GRB2: variants seen among roughly 807,000 people sequenced by gnomAD.
The protein encoded by GRB2 is growth factor receptor-bound protein 2.
A neutral mutation model predicts 27.4 loss-of-function variants in GRB2; 2 were observed. That is an observed-to-expected ratio of 0.07 (90% CI 0.03 to 0.23). The LOEUF (loss-of-function observed/expected upper bound fraction) is 0.23, where lower values mean the gene tolerates loss of function less well. Ranked by LOEUF, GRB2 falls within the 10% of genes least tolerant of loss-of-function variation. The pLI, the probability that GRB2 is intolerant of heterozygous loss-of-function variation, is 1.00. For missense variants in GRB2, 102 were observed against 282.4 expected (o/e 0.36, Z 4.58); for synonymous variants, 94 against 99.6 (o/e 0.94, Z 0.33).
chr17:75,344,420 CTTGCTT>C (rs2078641625), intron 2 of GRB2: 1 of 137,036 alleles, frequency 7.3e-6, no homozygotes, highest in Non-Finnish European at 1.5e-5. Flanking sequence ...CAGACAGAGT[CTTGCTT>C]TTGTTGCCCA....
chr17:75,396,659 A>G (rs962098460), intron 1 of GRB2, among the ~76,000 whole-genome samples: 1 of 152,142 alleles, frequency 6.6e-6, no homozygotes, highest in East Asian at 1.9e-4. Context: ...AAGTGCTAGG[A>G]ATACAGGGGA....
chr17:75,356,777 C>T (rs1463378628), intron 2 of GRB2, among the ~76,000 whole-genome samples: 1 of 152,180 alleles, frequency 6.6e-6, no homozygotes, highest in Non-Finnish European at 1.5e-5. Flanking sequence ...CAGAAGTGAT[C>T]ATTTCCTTCA....
intron 2 of GRB2, among the ~76,000 whole-genome samples, chr17:75,367,329 C>T (rs1357087871): frequency 6.6e-6 from 1 of 152,084 alleles, no homozygotes; most frequent in Non-Finnish European, 1.5e-5. Flanking sequence ...CACCACCACA[C>T]CCAGCTAATT....
chr17:75,392,734 C>T, intron 2 of GRB2, among the ~76,000 whole-genome samples: 1 of 152,186 alleles, frequency 6.6e-6, no homozygotes, highest in East Asian at 1.9e-4. Flanking sequence ...TAACACTCAT[C>T]CTCGTTAAAA....
intron 2 of GRB2, among the ~76,000 whole-genome samples, chr17:75,390,010 C>T (rs1484008076): frequency 6.6e-6 from 1 of 152,162 alleles, no homozygotes; most frequent in Non-Finnish European, 1.5e-5. Flanking sequence ...TCTCTCCCAA[C>T]TCTCAAAGCA....
intron 2 of GRB2, among the ~76,000 whole-genome samples, chr17:75,382,626 C>T (rs967608985): frequency 6.6e-6 from 1 of 152,156 alleles, no homozygotes; most frequent in Non-Finnish European, 1.5e-5. Context: ...AGAACTACTG[C>T]TAGAAACCAG....
intron 2 of GRB2, among the ~76,000 whole-genome samples, chr17:75,349,902 T>TTAG (rs2078678959): frequency 6.6e-6 from 1 of 152,014 alleles, no homozygotes; most frequent in African/African-American, 2.4e-5. Flanking sequence ...AAGTTAATAC[T>TTAG]TAGTGATAGG....
intron 1 of GRB2, chr17:75,394,100 T>G (rs751940468): frequency 2.5e-5 from 4 of 161,954 alleles, no homozygotes; most frequent in Non-Finnish European, 5.4e-5. Context: ...CACAGGCTCT[T>G]CTCCAGCACC....
At chr17:75,367,243 T>C (rs1341559669) in intron 2 of GRB2, among the ~76,000 whole-genome samples, 1 of 152,192 alleles carries the variant, frequency 6.6e-6, no homozygotes, top group Non-Finnish European at 1.5e-5. Flanking sequence ...TGATTATGGC[T>C]CACTGCAGCC....
chr17:75,332,298 G>A (rs531872382), intron 3 of GRB2, among the ~76,000 whole-genome samples: 2 of 152,228 alleles, frequency 1.3e-5, no homozygotes, highest in East Asian at 1.9e-4. Context: ...GCCAAGCACC[G>A]TACTCTGGGG....
intron 2 of GRB2, among the ~76,000 whole-genome samples, chr17:75,345,082 C>G (rs1036989819): frequency 6.6e-6 from 1 of 151,104 alleles, no homozygotes; most frequent in Middle Eastern, 3.2e-3. Flanking sequence ...CTTGCTCTGT[C>G]CCCCAGGCTG....
chr17:75,365,396 A>T (rs1327798619), intron 2 of GRB2, among the ~76,000 whole-genome samples: 1 of 152,256 alleles, frequency 6.6e-6, no homozygotes, highest in East Asian at 1.9e-4. Context: ...ATCCTACTTT[A>T]ATGAATTCTA....
intron 2 of GRB2, among the ~76,000 whole-genome samples, chr17:75,370,247 G>C (rs1353908775): frequency 6.6e-6 from 1 of 152,140 alleles, no homozygotes; most frequent in Non-Finnish European, 1.5e-5. Context: ...AAAAGATATT[G>C]GTGCCTTGTT....
chr17:75,345,672 C>A (rs913996598), intron 2 of GRB2, among the ~76,000 whole-genome samples: 1 of 152,160 alleles, frequency 6.6e-6, no homozygotes, highest in Non-Finnish European at 1.5e-5. Flanking sequence ...GGAAGAGGAA[C>A]TGGGGTAGAG....
At chr17:75,384,655 G>A (rs2078950724) in intron 2 of GRB2, among the ~76,000 whole-genome samples, 1 of 152,044 alleles carries the variant, frequency 6.6e-6, no homozygotes, top group African/African-American at 2.4e-5. Context: ...GGGCAACAGA[G>A]ACTCTTGTCT....
chr17:75,396,382 A>G (rs1471474486), intron 1 of GRB2, among the ~76,000 whole-genome samples: 1 of 151,920 alleles, frequency 6.6e-6, no homozygotes, highest in African/African-American at 2.4e-5. Context: ...AGCTGGAACT[A>G]CAGGTGTGGG....
chr17:75,334,343 T>A (rs570236480), intron 2 of GRB2, among the ~76,000 whole-genome samples: 3 of 152,104 alleles, frequency 2.0e-5, no homozygotes, highest in Admixed American at 2.0e-4. Flanking sequence ...GCTAATTTTT[T>A]GTATTTTTTA....
intron 2 of GRB2, among the ~76,000 whole-genome samples, chr17:75,354,361 C>T (rs1225118724): frequency 6.6e-6 from 1 of 150,694 alleles, no homozygotes; most frequent in Non-Finnish European, 1.5e-5. Flanking sequence ...TTCCCATGTT[C>T]AAGCGATTCT....
At chr17:75,382,997 C>A (rs1487249264) in intron 2 of GRB2, among the ~76,000 whole-genome samples, 1 of 152,190 alleles carries the variant, frequency 6.6e-6, no homozygotes, top group Non-Finnish European at 1.5e-5. Context: ...GCGTGAGCCA[C>A]TGCGCCCAGC....
Sources: allele counts gnomAD v4.1 joint callset (sites outside exome capture counted in the v4.1 genomes callset), GRCh38; gene constraint gnomAD v4.1.1; transcripts MANE v1.5; gene names NCBI Gene and HGNC (gene_info 2026-07-23, HGNC 2026-07-21).